Variants in HADH observed in about 807,000 individuals in gnomAD.
The protein encoded by HADH is hydroxyacyl-coenzyme A dehydrogenase, mitochondrial.
A neutral mutation model predicts 32.2 loss-of-function variants in HADH; 24 were observed. The ratio of observed to expected loss-of-function variants is 0.75; its 90% CI spans 0.54 to 1.05. HADH has a LOEUF of 1.05. HADH is among the 50% of genes least tolerant of loss of function. The probability of loss-of-function intolerance (pLI) is 0.00; values close to 1 mark genes in which losing one functional copy is unlikely to be tolerated. For missense variants in HADH, 350 were observed against 397.1 expected (o/e 0.88, Z 1.01); for synonymous variants, 139 against 152.5 (o/e 0.91, Z 0.65).
intron 6 of HADH, chr4:108,031,928 A>G (rs1736280911): frequency 6.2e-6 from 1 of 162,584 alleles, no homozygotes; most frequent in Non-Finnish European, 1.3e-5. Context: ...TCAAATCATG[A>G]TTTCTCAGGC....
At chr4:108,008,725 G>A (rs140432774) in intron 1 of HADH, among the ~76,000 whole-genome samples, 4 of 152,286 alleles carry the variant, frequency 2.6e-5, no homozygotes, top group African/African-American at 9.6e-5. Flanking sequence ...TTTGCAGGGG[G>A]CTTCTCAGAT....
At chr4:108,014,326 A>G in intron 2 of HADH, 105 bp from the exon 3 acceptor site, 1 of 1,205,862 alleles carries the variant, frequency 8.3e-7, no homozygotes, top group Non-Finnish European at 1.2e-6. Flanking sequence ...AGGCCAATAC[A>G]GGTGCTCTGA....
chr4:108,034,303 A>G lies in HADH; in HGVS notation c.891A>G (p.Val297=), dbSNP rs1158501065. The G allele has an allele frequency of 2.5e-6, 4 of 1,613,740 alleles. No individual in the cohort carries two copies. The South Asian group carries it at 4.4e-5, about 18-fold the overall frequency. The part of the protein sequence containing the change: ...HQPSPSLNKL[V]AENKFGKKTG... ...CCAGCCCATCCTTAAATAAGCTGGT[A>G]GCAGAGAACAAGTTCGGCAAGAAGA... The change falls in exon 8 of 8, where the codon GTA becomes GTG. Residue 297 remains valine (V), a synonymous_variant. Transcript: ENST00000309522.
At chr4:107,994,921 G>A (rs181258064) in intron 1 of HADH, among the ~76,000 whole-genome samples, 1 of 152,246 alleles carries the variant, frequency 6.6e-6, no homozygotes, top group African/African-American at 2.4e-5. Flanking sequence ...TAATGCTATG[G>A]GATATGTTTG....
chr4:108,009,458 G>A (rs1394682460), intron 1 of HADH, among the ~76,000 whole-genome samples: 3 of 152,204 alleles, frequency 2.0e-5, no homozygotes, highest in Admixed American at 6.5e-5. Flanking sequence ...GGCCTTCAGG[G>A]CTTTGATTCA....
chr4:108,028,775 A>G (rs1736153654), intron 6 of HADH: 2 of 397,414 alleles, frequency 5.0e-6, no homozygotes, highest in Non-Finnish European at 8.9e-6. Flanking sequence ...ACAAAATGTA[A>G]TGTTTTAGAA....
rs146848663 is a variant in HADH, at chr4:108,012,705, A to G, written c.262-1726A>G. On this transcript the variant is annotated intron_variant, in intron 2 of 7. Coordinates refer to ENST00000309522, the MANE Select transcript of HADH (RefSeq NM_005327.7). Reference sequence around the variant, plus strand: ...ACCTAATGCCCACTTGGACCAGTATAAGCATGCCAGGGCAAATATTTAGGC... The same window carrying G: ...ACCTAATGCCCACTTGGACCAGTATGAGCATGCCAGGGCAAATATTTAGGC... 1.4e-4 allele frequency among the ~76,000 whole-genome samples: 22 copies of G among 152,356 alleles called. No individual in the cohort carries two copies. The East Asian group carries it at 3.5e-3, about 24-fold the overall frequency.
At chr4:108,006,244 C>G (rs1054764483) in intron 1 of HADH, among the ~76,000 whole-genome samples, 1 of 151,980 alleles carries the variant, frequency 6.6e-6, no homozygotes, top group Non-Finnish European at 1.5e-5. Context: ...TTTCAGAGAG[C>G]AACAGGAAGA....
intron 5 of HADH, 107 bp downstream of exon 5, chr4:108,023,670 T>A: frequency 1.3e-6 from 1 of 769,740 alleles, no homozygotes; most frequent in Non-Finnish European, 2.4e-6. Flanking sequence ...AGGAGCATTG[T>A]ATACTGCAAG....
chr4:107,990,087 T>A (rs751280475), intron 1 of HADH, 23 bp downstream of exon 1: 1 of 1,594,972 alleles, frequency 6.3e-7, no homozygotes, highest in East Asian at 2.3e-5. Flanking sequence ...CCCTGCAGCG[T>A]GCCCACGCGC....
intron 1 of HADH, among the ~76,000 whole-genome samples, chr4:108,003,255 G>A (rs1485624074): frequency 6.6e-6 from 1 of 152,152 alleles, no homozygotes; most frequent in Admixed American, 6.5e-5. Context: ...CCTACTCGTT[G>A]TGTCTTGCTG....
chr4:107,997,511 G>A (rs1210513804), intron 1 of HADH, among the ~76,000 whole-genome samples: 1 of 152,086 alleles, frequency 6.6e-6, no homozygotes, highest in African/African-American at 2.4e-5. Context: ...TGGTCAGAGT[G>A]CTCTGGGGCT....
intron 4 of HADH, among the ~76,000 whole-genome samples, chr4:108,021,525 G>A (rs1034287667): frequency 2.0e-5 from 3 of 151,966 alleles, no homozygotes; most frequent in Non-Finnish European, 4.4e-5. Flanking sequence ...TCATTTAAAT[G>A]TATATATATA....
At chr4:108,023,642 A>G in intron 5 of HADH, 79 bp downstream of exon 5, 5 of 875,274 alleles carry the variant, frequency 5.7e-6, no homozygotes, top group Non-Finnish European at 7.9e-6. Flanking sequence ...AATTCTTCTC[A>G]TAGAATGATG....
At position 108,014,469 on chromosome 4, in the gene HADH, A is replaced by G; in HGVS notation, c.300A>G (p.Ile100Met). Residue 100 changes from isoleucine (I) to methionine (M), a missense_variant, in exon 3 of 8, where the codon ATA becomes ATG. By Grantham distance (10) the Ile-to-Met change is conservative. Transcript: ENST00000309522. ...DEFVEKTLST[I>M]ATSTDAASVV... Reference sequence around the variant, plus strand: ...TTGTGGAGAAGACCCTGAGCACCATAGCGACCAGCACGGATGCAGCCTCCG... The same window carrying G: ...TTGTGGAGAAGACCCTGAGCACCATGGCGACCAGCACGGATGCAGCCTCCG... The G allele has an allele frequency of 6.2e-7, 1 of 1,614,172 alleles. No homozygotes were observed. The highest frequency in any genetic ancestry group is 8.5e-7 in the Non-Finnish European group (1 of 1,180,022).
intron 2 of HADH, among the ~76,000 whole-genome samples, chr4:108,011,825 G>T (rs1735503493): frequency 6.6e-6 from 1 of 152,054 alleles, no homozygotes; most frequent in African/African-American, 2.4e-5. Flanking sequence ...TTCCATGTTT[G>T]TTTTGTTTTG....
intron 1 of HADH, among the ~76,000 whole-genome samples, chr4:108,000,201 T>C (rs1243167685): frequency 2.0e-5 from 3 of 152,208 alleles, no homozygotes; most frequent in African/African-American, 7.2e-5. Flanking sequence ...AGAAGATAAG[T>C]GTTTAGGGTG....
chr4:108,033,839 G>A (rs1207368883), intron 7 of HADH, among the ~76,000 whole-genome samples: 1 of 152,254 alleles, frequency 6.6e-6, no homozygotes, highest in Admixed American at 6.5e-5. Flanking sequence ...TGAATCTTAT[G>A]TGGATGCAAA....
intron 2 of HADH, among the ~76,000 whole-genome samples, chr4:108,013,490 C>T (rs1414774272): frequency 6.6e-6 from 1 of 152,114 alleles, no homozygotes; most frequent in Non-Finnish European, 1.5e-5. Flanking sequence ...GCTAGCTACT[C>T]CTCAGAAGTC....
Sources: gnomAD v4.1 joint callset for allele counts (sites outside exome capture counted in the v4.1 genomes callset) on GRCh38, gnomAD v4.1.1 for gene constraint, MANE v1.5 for transcripts, NCBI Gene and HGNC (gene_info 2026-07-23, HGNC 2026-07-21) for gene names.